The following KIDINS220 variants were observed in gnomAD, a reference collection of about 807,000 sequenced individuals.
KIDINS220 encodes the protein kinase D-interacting substrate of 220 kDa.
In KIDINS220, 63 loss-of-function variants were observed where a neutral mutation model predicts 157.6. The ratio of observed to expected loss-of-function variants is 0.40; its 90% CI spans 0.33 to 0.49. The LOEUF is 0.49. KIDINS220 is among the 20% of genes least tolerant of loss of function. The pLI, the probability that KIDINS220 is intolerant of heterozygous loss-of-function variation, is 0.66. For synonymous variants in KIDINS220, 732 were observed against 783.6 expected, an observed-to-expected ratio of 0.93 and a Z score of 1.10; for missense variants, 1,772 against 2,171.2, an observed-to-expected ratio of 0.82 and a Z score of 3.65.
At position 8,822,708 on chromosome 2, in the gene KIDINS220, C is replaced by T. The variant is rs375730244; in HGVS notation, c.109-3915G>A. Among the ~76,000 whole-genome samples the T allele has an allele frequency of 2.2e-4, 33 of 152,204 alleles. 1 individual carries two copies. The highest frequency in any genetic ancestry group is 8.3e-4 in the South Asian group (4 of 4,824). ...TAAAGTCTCAGTTCATTTTCTTAAA[C>T]GGGAAAAAAATGACCAGCCTCAACA... On this transcript the variant is annotated intron_variant, in intron 2 of 29. Transcript: ENST00000256707.
chr2:8,828,299 G>C (rs868290932), intron 1 of KIDINS220, among the ~76,000 whole-genome samples: 7 of 152,164 alleles, frequency 4.6e-5, no homozygotes, highest in Admixed American at 3.3e-4. Context: ...CAGGTCACCT[G>C]GTTACAAAGT....
chr2:8,774,212 CTT>C (rs1237015324), intron 21 of KIDINS220, among the ~76,000 whole-genome samples: 5 of 150,970 alleles, frequency 3.3e-5, no homozygotes. Context: ...AGGAGAATCA[CTT>C]AAACCCCGAA....
In KIDINS220 at chr2:8,778,883, G is replaced by C; in HGVS notation, c.2614+13C>G. ...ATTTCAAACTCAAAGTACTTTAGGA[G>C]CCTGAGCTTTACCTGTAGTATCTGA... On this transcript the variant is annotated intron_variant, in intron 19 of 29. Transcript: ENST00000256707. The C allele has an allele frequency of 1.2e-6, 2 of 1,613,362 alleles. No individual in the cohort carries two copies. The highest frequency in any genetic ancestry group is 1.7e-6 in the Non-Finnish European group (2 of 1,179,324).
intron 1 of KIDINS220, among the ~76,000 whole-genome samples, chr2:8,836,368 C>G (rs1431185092): frequency 6.6e-6 from 1 of 152,210 alleles, no homozygotes; most frequent in African/African-American, 2.4e-5. Flanking sequence ...GAAAAAGATA[C>G]CGTTCACACT....
At chr2:8,792,606 AG>A (rs1362340222) in intron 12 of KIDINS220, among the ~76,000 whole-genome samples, 2 of 152,234 alleles carry the variant, frequency 1.3e-5, no homozygotes, top group African/African-American at 4.8e-5. Context: ...TTATCTGATT[AG>A]CAAAGAGTAA....
Position 8,779,151 on chromosome 2 carries a change from G to A in KIDINS220, c.2371-12C>T, listed in dbSNP as rs749031724. ...AACAGAACTCGGACCTGTGGCAGAA[G>A]AAATGTACAGTTGTGACATACATTT... On this transcript the variant is annotated splice_polypyrimidine_tract_variant and intron_variant, in intron 18 of 29. Transcript: ENST00000256707. The A allele has an allele frequency of 6.2e-7, 1 of 1,610,550 alleles. No individual in the cohort carries two copies. The highest frequency in any genetic ancestry group is 1.1e-5 in the South Asian group (1 of 91,070).
At position 8,776,891 on chromosome 2, in the gene KIDINS220, T is replaced by C; in HGVS notation, c.2705A>G (p.Asp902Gly). ...CTGCATCTGCCTTCTTCGGTAAGTG[T>C]CCTGAAACAGCACGTCGTCAGTGAG... ...LGSKTALNRRDTYRRRQMQRT... is the reference protein window; with the variant it reads ...LGSKTALNRRGTYRRRQMQRT... Residue 902 changes from aspartate to glycine, a missense_variant and splice_region_variant, in exon 21 of 30, where the codon GAC becomes GGC. Asp to Gly is a moderately conservative substitution (Grantham distance 94). Around this residue, in one of 3 missense-constraint regions of KIDINS220, gnomAD observed 725 missense variants for 1,017.1 expected, o/e 0.71. Transcript: ENST00000256707. 2.5e-6 allele frequency: 4 copies of C among 1,613,360 alleles called. No homozygotes were observed. Among genetic ancestry groups the C allele is most frequent in the Non-Finnish European group, 2.5e-6 (3 of 1,179,692 alleles).
intron 4 of KIDINS220, among the ~76,000 whole-genome samples, 183 bp downstream of exon 4, chr2:8,817,435 T>C (rs1012031438): frequency 6.6e-6 from 1 of 152,152 alleles, no homozygotes; most frequent in African/African-American, 2.4e-5. Context: ...CTAAGAATAT[T>C]CTAAGAGGTA....
At chr2:8,836,379 G>A (rs180711352) in intron 1 of KIDINS220, among the ~76,000 whole-genome samples, 1 of 152,332 alleles carries the variant, frequency 6.6e-6, no homozygotes, top group African/African-American at 2.4e-5. Context: ...CGTTCACACT[G>A]TGTGTGAATG....
intron 2 of KIDINS220, among the ~76,000 whole-genome samples, chr2:8,820,800 G>C (rs1184915259): frequency 1.3e-5 from 2 of 152,162 alleles, no homozygotes; most frequent in African/African-American, 4.8e-5. Context: ...GTTATGTTTA[G>C]AATTCTGAGT....
intron 27 of KIDINS220, among the ~76,000 whole-genome samples, chr2:8,735,695 A>G (rs1558311421): frequency 6.6e-6 from 1 of 152,220 alleles, no homozygotes; most frequent in Non-Finnish European, 1.5e-5. Context: ...AATTTATGAA[A>G]TAGCTATGTT....
chr2:8,788,348 A>C (rs1396448299), intron 15 of KIDINS220, among the ~76,000 whole-genome samples: 1 of 151,580 alleles, frequency 6.6e-6, no homozygotes, highest in Non-Finnish European at 1.5e-5. Context: ...GGCTCACTGC[A>C]ACCTCTGCCT....
intron 2 of KIDINS220, 115 bp downstream of exon 2, chr2:8,826,871 A>T: frequency 2.0e-6 from 1 of 503,486 alleles, no homozygotes; most frequent in East Asian, 2.9e-5. Flanking sequence ...TCATAAGTAC[A>T]GTGCAGTATT....
At position 8,752,941 on chromosome 2, in the gene KIDINS220, CAG is replaced by C. The variant is rs374494023; in HGVS notation, c.3012-1299_3012-1298del. On this transcript the variant is annotated intron_variant, in intron 22 of 29. Transcript: ENST00000256707. ...AATATGTAAACAATTCTGTATCATG[CAG>C]AGACTCTTGAATGTAAAAATAAGTA... 2.1e-3 allele frequency among the ~76,000 whole-genome samples: 325 copies of C among 152,188 alleles called. 1 individual carries two copies. Among genetic ancestry groups the C allele is most frequent in the African/African-American group, 7.1e-3 (295 of 41,522 alleles).
chr2:8,744,390 TATATATATATA>T (rs1309687834), intron 26 of KIDINS220, among the ~76,000 whole-genome samples: 570 of 26,992 alleles, frequency 0.021, 3 homozygotes, highest in African/African-American at 0.042. Flanking sequence ...AAAAAAAAAA[TATATATATATA>T]ATATATATAT....
At chr2:8,804,938 C>G (rs922433360) in intron 7 of KIDINS220, among the ~76,000 whole-genome samples, 1 of 152,148 alleles carries the variant, frequency 6.6e-6, no homozygotes, top group Non-Finnish European at 1.5e-5. Flanking sequence ...AGACTGCCCC[C>G]GCTTCCCATG....
chr2:8,813,387 T>A (rs1676605210), intron 4 of KIDINS220, 52 bp from the exon 5 acceptor site: 2 of 1,223,752 alleles, frequency 1.6e-6, no homozygotes, highest in Non-Finnish European at 2.3e-6. Context: ...CATCTCTGAG[T>A]ATAAAAAATG....
chr2:8,743,439 A>G (rs1665907616), intron 26 of KIDINS220, among the ~76,000 whole-genome samples: 1 of 152,198 alleles, frequency 6.6e-6, no homozygotes, highest in Non-Finnish European at 1.5e-5. Flanking sequence ...AAGTACTTAA[A>G]GTATGCTAAG....
downstream of KIDINS220, chr2:8,721,987 G>A (rs1294875119): frequency 1.3e-5 from 2 of 152,130 alleles, no homozygotes; most frequent in African/African-American, 4.8e-5. Flanking sequence ...ACAGGATAAA[G>A]AATAACTGAT....
Sources: allele counts gnomAD v4.1 joint callset (sites outside exome capture counted in the v4.1 genomes callset), GRCh38; gene constraint gnomAD v4.1.1; regional missense constraint gnomAD v4.1.1; transcripts MANE v1.5; gene names NCBI Gene and HGNC (gene_info 2026-07-23, HGNC 2026-07-21).